INPP4B: variants seen among roughly 807,000 people sequenced by gnomAD.
INPP4B encodes the protein inositol polyphosphate-4-phosphatase type II B.
In INPP4B, 55 loss-of-function variants were observed where a neutral mutation model predicts 122.5. The observed-to-expected ratio is 0.45, with a 90% CI of 0.36 to 0.56. The LOEUF (loss-of-function observed/expected upper bound fraction) is 0.56. INPP4B is among the 20% of genes least tolerant of loss of function. The pLI is 0.00. For missense variants in INPP4B, 1,000 were observed against 1,097.7 expected, an observed-to-expected ratio of 0.91 and a Z score of 1.26; for synonymous variants, 403 against 388.7, an observed-to-expected ratio of 1.04 and a Z score of -0.43.
intron 25 of INPP4B, chr4:142,029,776 T>A (rs1738650037): frequency 1.0e-6 from 1 of 999,390 alleles, no homozygotes; most frequent in South Asian, 4.4e-5. Flanking sequence ...TTTCAGTGTT[T>A]GTGCAAATTT....
At chr4:142,100,355 C>T (rs768227301) in intron 23 of INPP4B, among the ~76,000 whole-genome samples, 42 of 152,100 alleles carry the variant, frequency 2.8e-4, no homozygotes, top group Non-Finnish European at 5.3e-4. Flanking sequence ...TTTCCATTCA[C>T]GGTCCCAGGT....
chr4:142,581,318 A>C (rs897083761), intron 2 of INPP4B, among the ~76,000 whole-genome samples: 1 of 151,998 alleles, frequency 6.6e-6, no homozygotes, highest in Non-Finnish European at 1.5e-5. Flanking sequence ...CACAGCTGTT[A>C]TCTCTCAGAT....
intron 2 of INPP4B, among the ~76,000 whole-genome samples, chr4:142,544,458 T>C (rs987431689): frequency 2.0e-5 from 3 of 152,046 alleles, no homozygotes; most frequent in African/African-American, 7.2e-5. Flanking sequence ...GAGGATGCAG[T>C]GCATTTCCCA....
At chr4:142,821,974 T>C (rs912440405) in intron 1 of INPP4B, among the ~76,000 whole-genome samples, 2 of 152,042 alleles carry the variant, frequency 1.3e-5, no homozygotes, top group African/African-American at 4.8e-5. Flanking sequence ...AAGGCCAGGG[T>C]GAGAAGTGAT....
At chr4:142,533,713 A>C (rs1827878547) in intron 2 of INPP4B, among the ~76,000 whole-genome samples, 1 of 152,186 alleles carries the variant, frequency 6.6e-6, no homozygotes, top group East Asian at 1.9e-4. Context: ...CAAAATTCTT[A>C]AGCAAATAAA....
At chr4:142,217,499 G>T (rs987501599) in intron 12 of INPP4B, among the ~76,000 whole-genome samples, 1 of 152,186 alleles carries the variant, frequency 6.6e-6, no homozygotes, top group African/African-American at 2.4e-5. Flanking sequence ...GCTCTGCCAA[G>T]TTTCAATGGA....
chr4:142,741,340 G>C (rs1399647783), intron 1 of INPP4B, among the ~76,000 whole-genome samples: 1 of 151,896 alleles, frequency 6.6e-6, no homozygotes, highest in Non-Finnish European at 1.5e-5. Flanking sequence ...GAGAGACGAG[G>C]AGGAGCCAGC....
At chr4:142,139,945 T>G (rs1219276) in intron 18 of INPP4B, among the ~76,000 whole-genome samples, 2 of 152,216 alleles carry the variant, frequency 1.3e-5, no homozygotes, top group African/African-American at 4.8e-5. Context: ...CCAAAGTGCT[T>G]GGATTACAAG....
At position 142,030,416 on chromosome 4, in the gene INPP4B, C is replaced by T. The variant is rs184667112; in HGVS notation, c.2643-1502G>A. On this transcript the variant is annotated intron_variant, in intron 25 of 25. Transcript: ENST00000262992. ...CAATGCATTATCTTACATAACACAA[C>T]TCTTTCAGATGAAATCTTATGGTAA... The T allele has an allele frequency of 1.0e-3, 862 of 858,374 alleles. 4 individuals carry two copies. The African/African-American group carries it at 0.013, about 13-fold the overall frequency. 53.2% of individuals were successfully genotyped at this position (858,374 alleles called of 1,614,324 possible).
chr4:142,557,374 A>G (rs1262369016), intron 2 of INPP4B, among the ~76,000 whole-genome samples: 1 of 152,202 alleles, frequency 6.6e-6, no homozygotes, highest in Non-Finnish European at 1.5e-5. Flanking sequence ...GACTCACTGT[A>G]AAGAATTACT....
intron 12 of INPP4B, among the ~76,000 whole-genome samples, chr4:142,228,624 C>T (rs993162925): frequency 1.3e-5 from 2 of 151,698 alleles, no homozygotes; most frequent in Admixed American, 6.6e-5. Context: ...AAATAACTAA[C>T]ATGTTTACTG....
At chr4:142,373,474 A>C (rs1790667167) in intron 7 of INPP4B, among the ~76,000 whole-genome samples, 1 of 152,014 alleles carries the variant, frequency 6.6e-6, no homozygotes, top group African/African-American at 2.4e-5. Flanking sequence ...ATGATTAAGA[A>C]GAGCACAGAC....
Position 142,574,154 on chromosome 4 carries a change from A to G in INPP4B, c.-190-111428T>C, listed in dbSNP as rs138947375. 2.7e-3 allele frequency among the ~76,000 whole-genome samples: 411 copies of G among 152,122 alleles called. 6 individuals are homozygous for G. The highest frequency in any genetic ancestry group is 0.018 in the East Asian group (93 of 5,150). On this transcript the variant is annotated intron_variant, in intron 2 of 25. Transcript: ENST00000262992. ...TCAAGACATTACAAAATTTGGACTC[A>G]CCATTTCCAACATTATATCCAGCTG...
chr4:142,174,885 C>G (rs894020996), intron 15 of INPP4B, among the ~76,000 whole-genome samples: 9 of 152,192 alleles, frequency 5.9e-5, no homozygotes, highest in East Asian at 5.8e-4. Context: ...CCCCTCTTAG[C>G]CTCCCAAAGT....
chr4:142,309,772 A>G (rs376328764), intron 8 of INPP4B, among the ~76,000 whole-genome samples: 1 of 152,186 alleles, frequency 6.6e-6, no homozygotes, highest in African/African-American at 2.4e-5. Flanking sequence ...CAAGAACCCC[A>G]AAGCAGATAA....
intron 16 of INPP4B, among the ~76,000 whole-genome samples, chr4:142,169,113 A>G (rs1265725714): frequency 6.6e-6 from 1 of 151,528 alleles, no homozygotes; most frequent in African/African-American, 2.4e-5. Context: ...CTCATTGTCA[A>G]TGTTATCTTA....
intron 1 of INPP4B, among the ~76,000 whole-genome samples, chr4:142,760,314 G>A (rs753401140): frequency 3.9e-4 from 59 of 152,178 alleles, no homozygotes; most frequent in Admixed American, 2.7e-3. Flanking sequence ...ACATGGGGAG[G>A]ACAAAACATC....
intron 1 of INPP4B, among the ~76,000 whole-genome samples, chr4:142,774,659 G>A (rs1172170361): frequency 6.6e-6 from 1 of 151,880 alleles, no homozygotes. Context: ...CCATTTACAA[G>A]TTACCAGAGT....
intron 7 of INPP4B, among the ~76,000 whole-genome samples, chr4:142,317,709 C>T (rs1768266430): frequency 6.6e-6 from 1 of 152,166 alleles, no homozygotes; most frequent in South Asian, 2.1e-4. Flanking sequence ...TAACTCATGA[C>T]TTCTTGAGCT....
Sources: allele counts gnomAD v4.1 joint callset (sites outside exome capture counted in the v4.1 genomes callset), GRCh38; gene constraint gnomAD v4.1.1; transcripts MANE v1.5; gene names NCBI Gene and HGNC (gene_info 2026-07-23, HGNC 2026-07-21).